The following FAN1 variants were observed in gnomAD, a reference collection of about 807,000 sequenced individuals.
FAN1 encodes the protein fanconi-associated nuclease 1.
In FAN1, 91 loss-of-function variants were observed where a neutral mutation model predicts 104.9. The observed-to-expected ratio is 0.87, with a 90% CI of 0.73 to 1.03. The LOEUF (loss-of-function observed/expected upper bound fraction) is 1.03. Among genes scored for constraint, FAN1 ranks in the 50% least tolerant of loss-of-function variants. FAN1 has a pLI of 0.00. For missense variants in FAN1, 1,263 were observed against 1,239.9 expected, an observed-to-expected ratio of 1.02 and a Z score of -0.28; for synonymous variants, 478 against 457.6, an observed-to-expected ratio of 1.04 and a Z score of -0.57.
intron 12 of FAN1, 143 bp from the exon 13 acceptor site, chr15:30,930,400 G>T: frequency 1.1e-6 from 1 of 916,872 alleles, no homozygotes; most frequent in Non-Finnish European, 1.5e-6. Flanking sequence ...GGTACAAGCA[G>T]CAGAACAGCG....
At chr15:30,912,166 A>G (rs2062114192) in intron 4 of FAN1, among the ~76,000 whole-genome samples, 1 of 152,124 alleles carries the variant, frequency 6.6e-6, no homozygotes, top group African/African-American at 2.4e-5. Context: ...TTGGACTTGT[A>G]GGAAAATAGA....
At chr15:30,941,387 G>A (rs542092752) in intron 14 of FAN1, 179 bp from the exon 15 acceptor site, 1 of 1,539,508 alleles carries the variant, frequency 6.5e-7, no homozygotes, top group Non-Finnish European at 8.7e-7. Flanking sequence ...AGTTATTAGA[G>A]ATTCAAACGC....
chr15:30,911,129 A>G (rs1207945424), intron 4 of FAN1: 3 of 1,091,370 alleles, frequency 2.7e-6, no homozygotes, highest in South Asian at 8.9e-5. Context: ...AAGGTAAACT[A>G]TTTAGTCAAA....
rs768549413 is a variant in FAN1 at position 30,942,051 on chromosome 15, T to C, written c.*489T>C. 1 of 1,613,896 alleles carries C rather than the reference T, an allele frequency of 6.2e-7. No homozygotes were observed. Among genetic ancestry groups the C allele is most frequent in the Non-Finnish European group, 8.5e-7 (1 of 1,179,790 alleles). On this transcript the variant is annotated 3_prime_UTR_variant, in exon 15 of 15. Coordinates refer to ENST00000362065, the MANE Select transcript of FAN1 (RefSeq NM_014967.5). ...TTCTTTAAGGCAGACGGCATTCCTCTTAGTGTGGAGCTGTAGCTTTTCTAT... is the reference window on the plus strand; with the variant it reads ...TTCTTTAAGGCAGACGGCATTCCTCCTAGTGTGGAGCTGTAGCTTTTCTAT...
chr15:30,910,474 ATAAT>A, intron 3 of FAN1, 136 bp from the exon 4 acceptor site: 1 of 562,004 alleles, frequency 1.8e-6, no homozygotes, highest in Non-Finnish European at 3.1e-6. Flanking sequence ...TACCATGTTA[ATAAT>A]TCCACATTTA....
Position 30,910,681 on chromosome 15 carries a change from C to T in FAN1, c.1443C>T (p.Ala481=), listed in dbSNP as rs770993273. 3.7e-6 allele frequency: 6 copies of T among 1,613,794 alleles called. No individual in the cohort carries two copies. Among genetic ancestry groups the T allele is most frequent in the African/African-American group, 1.3e-5 (1 of 74,856 alleles). The change falls in exon 4 of 15, where the codon GCC becomes GCT. Residue 481 remains alanine, a synonymous_variant. Transcript: ENST00000362065. ...LLSAPELKSL[A]KTFHLVNPNG... is the part of the protein sequence containing the mutation. ...CTGCTCCTGAACTAAAATCCCTAGC[C>T]AAGACCTTCCACTTGGTGAATCCCA...
chr15:30,941,363 A>ATTCT, intron 14 of FAN1: 7 of 1,538,060 alleles, frequency 4.6e-6, no homozygotes, highest in East Asian at 2.4e-5. Flanking sequence ...TCCAACTATT[A>ATTCT]TTCTTACATA....
At position 30,905,211 on chromosome 15, in the gene FAN1, G is replaced by A; in HGVS notation, c.548G>A (p.Ser183Asn). 1.2e-6 allele frequency: 2 copies of A among 1,613,846 alleles called. No homozygotes were observed. Among genetic ancestry groups the A allele is most frequent in the Non-Finnish European group, 1.7e-6 (2 of 1,179,932 alleles). The change falls in exon 2 of 15, where the codon AGT becomes AAT. Residue 183 changes from serine to asparagine, a missense_variant. By Grantham distance (46) the Ser-to-Asn change is conservative. Around this residue, in one of 2 missense-constraint regions of FAN1, gnomAD observed 682 missense variants for 571.1 expected, o/e 1.19. Transcript: ENST00000362065. Reference sequence around the variant, plus strand: ...GAATTTGCCGGTTCTAGTCCACAGAGTTCCAAATCCACAGTTGTTAAGAGC... The same window carrying A: ...GAATTTGCCGGTTCTAGTCCACAGAATTCCAAATCCACAGTTGTTAAGAGC... ...DEEFAGSSPQ[S>N]SKSTVVKSLI...
At chr15:30,927,162 T>G (rs2062483592) in intron 10 of FAN1, 1 of 944,502 alleles carries the variant, frequency 1.1e-6, no homozygotes, top group Non-Finnish European at 1.3e-6. Context: ...TGAGCCAAGA[T>G]TGTGCCACTG....
At chr15:30,940,728 G>A in intron 14 of FAN1, 1 of 989,828 alleles carries the variant, frequency 1.0e-6, no homozygotes, top group South Asian at 4.6e-5. Context: ...AGTATGAAAA[G>A]CCTATTTCAA....
chr15:30,936,982 T>A, intron 13 of FAN1, 137 bp from the exon 14 acceptor site: 1 of 702,212 alleles, frequency 1.4e-6, no homozygotes, highest in South Asian at 1.9e-5. Flanking sequence ...ACCATCCGTA[T>A]ATTTGTGTTA....
At position 30,930,554 on chromosome 15, in the gene FAN1, C is replaced by T. The variant is rs760369315; in HGVS notation, c.2799C>T (p.Ser933=). Residue 933 remains serine (S), a synonymous_variant, in exon 13 of 15, where the codon TCC becomes TCT. Transcript: ENST00000362065. The stretch of plus-strand genomic sequence containing the variant: ...TGTTTTGTGTTCAGGATCTTGTCTC[C>T]TGCCTGGGGGGCCCTGTGCTCAGTG... ...TSLQQAQDLV[S]CLGGPVLSGV... is the part of the protein sequence containing the mutation. The T allele has an allele frequency of 1.7e-5, 27 of 1,596,020 alleles. No homozygotes were observed. Among genetic ancestry groups the T allele is most frequent in the Non-Finnish European group, 3.4e-6 (4 of 1,175,012 alleles).
chr15:30,935,383 C>A (rs142973487), intron 13 of FAN1, among the ~76,000 whole-genome samples: 10 of 152,148 alleles, frequency 6.6e-5, no homozygotes, highest in South Asian at 2.1e-4. Flanking sequence ...CAGTAGTTAG[C>A]CCTCTGTATC....
chr15:30,906,954 A>G (rs2061993429), intron 2 of FAN1, among the ~76,000 whole-genome samples: 1 of 152,090 alleles, frequency 6.6e-6, no homozygotes, highest in African/African-American at 2.4e-5. Flanking sequence ...TGTAATTGAG[A>G]AATAGGAACA....
rs2063098459 is a variant in FAN1 at position 30,942,829 on chromosome 15, C to A, written c.*1267C>A. ...GCCTTTACTTTTAACGCTCTCTGTT[C>A]TGAAAAAGAGGTGTTTGGTTACGTG... On this transcript the variant is annotated 3_prime_UTR_variant, in exon 15 of 15. Transcript: ENST00000362065. 7 of 1,457,846 alleles carry A rather than the reference C, an allele frequency of 4.8e-6. No homozygotes were observed. The highest frequency in any genetic ancestry group is 5.5e-6 in the Non-Finnish European group (6 of 1,082,434). The allele number at this position is 1,457,846 out of a possible 1,614,324, so 90.3% of individuals were successfully genotyped here. A position where few individuals can be genotyped will look rare whatever the true frequency, so the allele number is the denominator to read the frequency against.
rs758227018 is a variant in FAN1, at chr15:30,941,609, G to A, written c.*47G>A. 34 of 1,600,800 alleles carry A rather than the reference G, an allele frequency of 2.1e-5. No individual in the cohort carries two copies. The highest frequency in any genetic ancestry group is 2.7e-5 in the African/African-American group (2 of 74,674). On this transcript the variant is annotated 3_prime_UTR_variant, in exon 15 of 15. Transcript: ENST00000362065. ...TGGAAATGAGGAGGAGAGAAACTCC[G>A]GTGTCCCCGAGGTGTCGGTGTGGTG...
In FAN1 at chr15:30,914,074, C is replaced by T. The variant is rs769284883; in HGVS notation, c.1794C>T (p.Asp598=). ...TINRKTHIFQ[D]RDDLIRYAAA... is the part of the protein sequence containing the mutation. ...ATCGGAAAACCCACATCTTCCAAGA[C>T]AGAGATGATCTTATCAGGTAAGATG... The change falls in exon 5 of 15, where the codon GAC becomes GAT. Residue 598 remains aspartate (D), a synonymous_variant. Coordinates refer to ENST00000362065, the MANE Select transcript of FAN1 (RefSeq NM_014967.5). 2.5e-5 allele frequency: 40 copies of T among 1,611,916 alleles called. No homozygotes were observed. Among genetic ancestry groups the T allele is most frequent in the Non-Finnish European group, 3.1e-5 (37 of 1,178,108 alleles).
At chr15:30,918,067 C>A in intron 5 of FAN1, 97 bp from the exon 6 acceptor site, 2 of 1,262,230 alleles carry the variant, frequency 1.6e-6, no homozygotes, top group South Asian at 1.4e-5. Flanking sequence ...TTAAAAAACA[C>A]ACTTTTACCT....
At position 30,918,220 on chromosome 15, in the gene FAN1, A is replaced by G. The variant is rs764289566; in HGVS notation, c.1868A>G (p.Asn623Ser). 1 of 1,614,060 alleles carries G rather than the reference A, an allele frequency of 6.2e-7. No homozygotes were observed. Among genetic ancestry groups the G allele is most frequent in the Admixed American group, 1.7e-5 (1 of 60,018 alleles). The part of the protein sequence containing the change: ...SDISSAMANG[N>S]WEEAKELAQC... ...ATTTCTTCCGCAATGGCCAATGGGA[A>G]CTGGGAAGAAGCTAAGGAGCTCGCT... Residue 623 changes from asparagine (N) to serine (S), a missense_variant, in exon 6 of 15, where the codon AAC becomes AGC. Coordinates refer to ENST00000362065, the MANE Select transcript of FAN1 (RefSeq NM_014967.5).
Sources: gnomAD v4.1 joint callset for allele counts (sites outside exome capture counted in the v4.1 genomes callset) on GRCh38, gnomAD v4.1.1 for gene constraint, gnomAD v4.1.1 regional missense constraint, MANE v1.5 for transcripts, NCBI Gene and HGNC (gene_info 2026-07-23, HGNC 2026-07-21) for gene names.